The following C1QTNF7 variants were observed in gnomAD, a reference collection of about 807,000 sequenced individuals.
C1QTNF7 encodes complement C1q tumor necrosis factor-related protein 7.
C1QTNF7 carries 15 observed loss-of-function variants against 19.6 expected under a neutral mutation model. The observed-to-expected ratio is 0.76, with a 90% CI of 0.51 to 1.18. C1QTNF7 has a LOEUF of 1.18. C1QTNF7 is among the 50% of genes most tolerant of loss of function. C1QTNF7 has a pLI of 0.00. For synonymous variants in C1QTNF7, 142 were observed against 137.5 expected (o/e 1.03, Z -0.23); for missense variants, 324 against 359.7 (o/e 0.90, Z 0.80).
At chr4:15,371,927 T>TAGGAA (rs140102569) in intron 1 of C1QTNF7, among the ~76,000 whole-genome samples, 5 of 149,762 alleles carry the variant, frequency 3.3e-5, no homozygotes, top group Admixed American at 6.6e-5. Context: ...TAGGAAAGAG[T>TAGGAA]AGGAAAGGAA....
chr4:15,389,761 G>A lies in C1QTNF7; in HGVS notation c.14-45975G>A, dbSNP rs908704446. ...TGTGGAGCACCCAGAAATCTCTAGG[G>A]TGCCTTCCTTGATCCCCTAGAGATT... is the stretch of plus-strand genomic sequence containing the variant. On this transcript the variant is annotated intron_variant, in intron 1 of 2. Coordinates refer to the C1QTNF7 transcript ENST00000295297. 2.6e-5 allele frequency among the ~76,000 whole-genome samples: 4 copies of A among 152,260 alleles called. No individual in the cohort carries two copies. The East Asian group carries it at 5.8e-4, about 22-fold the overall frequency.
intron 1 of C1QTNF7, among the ~76,000 whole-genome samples, chr4:15,396,269 C>T (rs1003927520): frequency 6.6e-6 from 1 of 152,156 alleles, no homozygotes; most frequent in African/African-American, 2.4e-5. Flanking sequence ...TGGGCCTGAG[C>T]CAACCTCCAT....
At chr4:15,358,936 G>T (rs1191062909) in intron 1 of C1QTNF7, among the ~76,000 whole-genome samples, 1 of 152,148 alleles carries the variant, frequency 6.6e-6, no homozygotes, top group Non-Finnish European at 1.5e-5. Flanking sequence ...CCCAGGCATG[G>T]CAGTTGATGC....
chr4:15,414,060 A>C (rs1719501082), intron 1 of C1QTNF7, among the ~76,000 whole-genome samples: 2 of 152,130 alleles, frequency 1.3e-5, no homozygotes, highest in African/African-American at 4.8e-5. Flanking sequence ...AGCGTTCCTC[A>C]CTCATGGCAG....
intron 1 of C1QTNF7, among the ~76,000 whole-genome samples, chr4:15,398,752 G>A (rs1045170031): frequency 6.6e-6 from 1 of 152,236 alleles, no homozygotes; most frequent in African/African-American, 2.4e-5. Flanking sequence ...AGGAGAGACT[G>A]AGGCAAGTTT....
At chr4:15,355,694 G>A (rs979453003) in intron 1 of C1QTNF7, among the ~76,000 whole-genome samples, 3 of 152,212 alleles carry the variant, frequency 2.0e-5, no homozygotes, top group Non-Finnish European at 4.4e-5. Context: ...TGAAGCTTGA[G>A]AGGAAAGTTC....
chr4:15,411,348 A>G (rs1442397162), intron 1 of C1QTNF7, among the ~76,000 whole-genome samples: 5 of 152,142 alleles, frequency 3.3e-5, no homozygotes, highest in African/African-American at 4.8e-5. Flanking sequence ...GCTTTTCATT[A>G]TGAAATATTA....
At chr4:15,400,737 C>G (rs139896109) in intron 1 of C1QTNF7, among the ~76,000 whole-genome samples, 27 of 152,300 alleles carry the variant, frequency 1.8e-4, no homozygotes, top group African/African-American at 6.5e-4. Context: ...CAGCACTAAC[C>G]AACAAATCCC....
At chr4:15,414,713 C>T (rs915767983) in intron 1 of C1QTNF7, among the ~76,000 whole-genome samples, 1 of 152,086 alleles carries the variant, frequency 6.6e-6, no homozygotes, top group Non-Finnish European at 1.5e-5. Context: ...CCTCAAAACT[C>T]TCAGTAGAAC....
intron 1 of C1QTNF7, among the ~76,000 whole-genome samples, chr4:15,342,843 A>G (rs1192066044): frequency 6.6e-6 from 1 of 152,240 alleles, no homozygotes; most frequent in Non-Finnish European, 1.5e-5. Context: ...ACTGTGCACC[A>G]TGGTAGATCA....
intron 1 of C1QTNF7, among the ~76,000 whole-genome samples, chr4:15,406,645 A>G (rs1719204030): frequency 6.6e-6 from 1 of 152,222 alleles, no homozygotes; most frequent in Non-Finnish European, 1.5e-5. Context: ...ACAAAAATTA[A>G]AAACAACCAT....
Position 15,442,105 on chromosome 4 carries a change from G to A in C1QTNF7, c.239-63G>A, listed in dbSNP as rs186551610. ...GTTGGGATGTGCTGGGACCATGTAG[G>A]TATATTGTTTGTGATTATATCTTTT... On this transcript the variant is annotated intron_variant, in intron 2 of 2. Coordinates refer to ENST00000444304, the MANE Select transcript of C1QTNF7 (RefSeq NM_031911.5). 2,371 of 1,509,596 alleles carry A rather than the reference G, an allele frequency of 1.6e-3. 8 individuals are homozygous for A. The highest frequency in any genetic ancestry group is 1.6e-3 in the Non-Finnish European group (1,795 of 1,122,946). The allele number at this position is 1,509,596 out of a possible 1,614,324, so 93.5% of individuals were successfully genotyped here. A position where few individuals can be genotyped will look rare whatever the true frequency, so the allele number is the denominator to read the frequency against.
At chr4:15,430,157 G>A (rs13129093) in intron 1 of C1QTNF7, among the ~76,000 whole-genome samples, 2,466 of 152,262 alleles carry the variant, frequency 0.016, 39 homozygotes, top group Middle Eastern at 0.024. Flanking sequence ...GGAGCCTCTT[G>A]AATCTAAACT....
chr4:15,416,083 G>A (rs10012928), intron 1 of C1QTNF7, among the ~76,000 whole-genome samples: 130,742 of 152,158 alleles, frequency 0.86, 56,280 homozygotes, highest in East Asian at 0.98. Flanking sequence ...GGGTTTGCAC[G>A]ATTTTCAGAC....
chr4:15,374,894 G>A (rs999295745), intron 1 of C1QTNF7: 7 of 424,748 alleles, frequency 1.6e-5, no homozygotes, highest in Non-Finnish European at 2.2e-5. Flanking sequence ...ATGTTCAGGG[G>A]TGTTTACCGA....
At chr4:15,418,023 G>C (rs542178112) in intron 1 of C1QTNF7, among the ~76,000 whole-genome samples, 3 of 152,128 alleles carry the variant, frequency 2.0e-5, no homozygotes, top group Non-Finnish European at 4.4e-5. Context: ...GATTACCATG[G>C]GACCAGAGAG....
chr4:15,401,456 T>C (rs530734286), intron 1 of C1QTNF7, among the ~76,000 whole-genome samples: 7 of 152,316 alleles, frequency 4.6e-5, no homozygotes, highest in Non-Finnish European at 7.3e-5. Flanking sequence ...TGCACTGTTG[T>C]TGGCCAAATA....
chr4:15,358,414 G>A (rs900370256), intron 1 of C1QTNF7: 1 of 152,136 alleles, frequency 6.6e-6, no homozygotes, highest in African/African-American at 2.4e-5. Flanking sequence ...TGCATCCCAG[G>A]GATGAAGCTG....
chr4:15,409,461 CTG>C (rs1298128473), intron 1 of C1QTNF7, among the ~76,000 whole-genome samples: 3 of 152,196 alleles, frequency 2.0e-5, no homozygotes, highest in Non-Finnish European at 4.4e-5. Flanking sequence ...GAAAGACAAA[CTG>C]GGGATGAAAG....
Sources: allele counts gnomAD v4.1 joint callset (sites outside exome capture counted in the v4.1 genomes callset), GRCh38; gene constraint gnomAD v4.1.1; transcripts MANE v1.5; gene names NCBI Gene and HGNC (gene_info 2026-07-23, HGNC 2026-07-21).